Variants in WASHC4 observed in about 807,000 individuals in gnomAD.
The protein encoded by WASHC4 is WASH complex subunit 7.
A neutral mutation model predicts 166.6 loss-of-function variants in WASHC4; 86 were observed. That is an observed-to-expected ratio of 0.52 (90% CI 0.43 to 0.62). The LOEUF (loss-of-function observed/expected upper bound fraction) is 0.62. Ranked by LOEUF, WASHC4 falls within the 20% of genes least tolerant of loss-of-function variation. WASHC4 has a pLI of 0.00. For missense variants in WASHC4, 1,262 were observed against 1,382.4 expected (o/e 0.91, Z 1.38); for synonymous variants, 446 against 451.6 (o/e 0.99, Z 0.16).
chr12:105,130,683 G>A (rs1215535623), intron 13 of WASHC4, among the ~76,000 whole-genome samples: 1 of 146,992 alleles, frequency 6.8e-6, no homozygotes, highest in Non-Finnish European at 1.5e-5. Context: ...AGGGAGCAAT[G>A]GAGAGCAATG....
intron 20 of WASHC4, among the ~76,000 whole-genome samples, 173 bp downstream of exon 20, chr12:105,143,416 T>C (rs1592894694): frequency 6.6e-6 from 1 of 152,172 alleles, no homozygotes; most frequent in East Asian, 1.9e-4. Context: ...GGTCTGTAAT[T>C]CATTTATTTA....
chr12:105,146,882 C>T (rs1254435489), intron 23 of WASHC4, among the ~76,000 whole-genome samples, 160 bp from the exon 24 acceptor site: 1 of 152,114 alleles, frequency 6.6e-6, no homozygotes, highest in Non-Finnish European at 1.5e-5. Flanking sequence ...TTTTGGATTT[C>T]AGATTTTCGG....
chr12:105,133,762 T>A lies in WASHC4; in HGVS notation c.1200-8T>A, dbSNP rs544603244. On this transcript the variant is annotated splice_region_variant and splice_polypyrimidine_tract_variant and intron_variant, in intron 13 of 32. Transcript: ENST00000332180. ...TTGCTGAGTAACCCCAATATTTTCC[T>A]TTGTTAGAGATGTACAGTCTTACTA... 1.9e-6 allele frequency: 3 copies of A among 1,611,438 alleles called. No homozygotes were observed. Among genetic ancestry groups the A allele is most frequent in the African/African-American group, 2.7e-5 (2 of 74,968 alleles).
In WASHC4 at chr12:105,168,550, T is replaced by C. The variant is rs1418979681; in HGVS notation, c.*1619T>C. ...CTAACTTCTCTGAAATCATCTCCTA[T>C]TAAGGGATAGAAATTGTTACTAGAA... On this transcript the variant is annotated 3_prime_UTR_variant, in exon 33 of 33. Transcript: ENST00000332180. The C allele has an allele frequency of 6.6e-6, 1 of 152,318 alleles. No individual in the cohort carries two copies. Among genetic ancestry groups the C allele is most frequent in the Non-Finnish European group, 1.5e-5 (1 of 67,940 alleles). 9.4% of individuals were successfully genotyped at this position (152,318 alleles called of 1,614,324 possible).
intron 13 of WASHC4, among the ~76,000 whole-genome samples, chr12:105,130,778 T>G (rs1881728683): frequency 6.6e-6 from 1 of 152,212 alleles, no homozygotes. Flanking sequence ...GGTCCAAGGT[T>G]TGTGGATTTT....
intron 23 of WASHC4, 53 bp from the exon 24 acceptor site, chr12:105,146,989 C>CA: frequency 1.0e-6 from 1 of 952,752 alleles, no homozygotes; most frequent in Non-Finnish European, 1.7e-6. Flanking sequence ...CCTGTTTGAC[C>CA]AGTGTTTGCT....
rs1262626152 is a variant in WASHC4, at chr12:105,115,664, C to T, written c.371C>T (p.Thr124Ile). ...NGLLFYGEGA[T>I]DASMVEGDCQ... Reference sequence around the variant, plus strand: ...TTATTCATGTTGCCTTTTACAGCTACAGATGCCAGCATGGTGGAAGGTGAT... The same window carrying T: ...TTATTCATGTTGCCTTTTACAGCTATAGATGCCAGCATGGTGGAAGGTGAT... The change falls in exon 6 of 33, where the codon ACA (threonine) becomes ATA (isoleucine). Residue 124 changes from threonine (T) to isoleucine (I), a missense_variant. By Grantham distance (89) the Thr-to-Ile change is moderately conservative. Transcript: ENST00000332180. The T allele has an allele frequency of 1.2e-6, 2 of 1,605,708 alleles. No homozygotes were observed. Among genetic ancestry groups the T allele is most frequent in the East Asian group, 2.2e-5 (1 of 44,736 alleles).
intron 29 of WASHC4, 61 bp downstream of exon 29, chr12:105,160,209 C>A: frequency 1.4e-6 from 2 of 1,422,180 alleles, no homozygotes; most frequent in Non-Finnish European, 9.9e-7. Context: ...ACAAATAGAT[C>A]TGGTTTCTTT....
At chr12:105,110,298 CT>C (rs1162670580) in intron 1 of WASHC4, among the ~76,000 whole-genome samples, 2 of 151,994 alleles carry the variant, frequency 1.3e-5, no homozygotes, top group African/African-American at 2.4e-5. Flanking sequence ...AAATTTTTAC[CT>C]TTTTTAGAAG....
chr12:105,133,869 C>A lies in WASHC4; in HGVS notation c.1299C>A (p.Leu433=). ...EQRMDKFAED[L]TNRCNVFIQG... is the part of the protein sequence containing the mutation. ...GAATGGATAAATTTGCTGAAGATCT[C>A]ACCAATAGATGTAATGTTTTTATAC... The change falls in exon 14 of 33, where the codon CTC becomes CTA. Residue 433 remains leucine, a synonymous_variant. Coordinates refer to ENST00000332180, the MANE Select transcript of WASHC4 (RefSeq NM_015275.3). 6.2e-7 allele frequency: 1 copy of A among 1,612,156 alleles called. No homozygotes were observed. Among genetic ancestry groups the A allele is most frequent in the South Asian group, 1.1e-5 (1 of 90,992 alleles).
At chr12:105,135,730 T>C (rs1289898175) in intron 14 of WASHC4, among the ~76,000 whole-genome samples, 1 of 152,120 alleles carries the variant, frequency 6.6e-6, no homozygotes, top group Non-Finnish European at 1.5e-5. Context: ...TTAATAATTT[T>C]ACTTTTTAGC....
intron 19 of WASHC4, 96 bp from the exon 20 acceptor site, chr12:105,143,031 G>T: frequency 1.3e-6 from 1 of 761,720 alleles, no homozygotes; most frequent in Non-Finnish European, 2.3e-6. Context: ...CCTTCAGATC[G>T]AGGTTTTGTC....
chr12:105,160,265 A>G (rs1566030433), intron 29 of WASHC4, 117 bp downstream of exon 29: 1 of 850,344 alleles, frequency 1.2e-6, no homozygotes, highest in East Asian at 2.5e-5. Context: ...TCCTGGTTGC[A>G]TATAAAACTA....
At position 105,140,889 on chromosome 12, in the gene WASHC4, TATTTTTAAG is replaced by T; in HGVS notation, c.1561-8_1561del. On this transcript the variant is annotated splice_acceptor_variant and splice_polypyrimidine_tract_variant and intron_variant, in intron 16 of 32. Transcript: ENST00000332180. LOFTEE classifies it high-confidence loss of function. Reference sequence around the variant, plus strand: ...TCAGAAACAAATAGTTTTCCTGTTTTATTTTTAAGAAAAGAGTGATTTCTGACAAAAAAT... The same window carrying T: ...TCAGAAACAAATAGTTTTCCTGTTTTAAAAGAGTGATTTCTGACAAAAAAT... 1 of 1,613,010 alleles carries T rather than the reference TATTTTTAAG, an allele frequency of 6.2e-7. No individual in the cohort carries two copies. The highest frequency in any genetic ancestry group is 8.5e-7 in the Non-Finnish European group (1 of 1,179,650).
chr12:105,156,865 A>G (rs1315666272), intron 27 of WASHC4, 73 bp downstream of exon 27: 1 of 1,053,028 alleles, frequency 9.5e-7, no homozygotes, highest in Non-Finnish European at 1.5e-6. Flanking sequence ...ATATGTTACA[A>G]GTGATATTGT....
chr12:105,157,230 AT>A lies in WASHC4; in HGVS notation c.2826-5del. ...CTAATAAATGCCTTCCCAAATTCTT[AT>A]GTAGATTTGTTCCTGATCTTGAAGA... On this transcript the variant is annotated splice_region_variant and splice_polypyrimidine_tract_variant and intron_variant, in intron 27 of 32. Transcript: ENST00000332180. 1 of 1,412,348 alleles carries A rather than the reference AT, an allele frequency of 7.1e-7. No homozygotes were observed. Among genetic ancestry groups the A allele is most frequent in the Non-Finnish European group, 1.0e-6 (1 of 999,512 alleles). 87.5% of individuals were successfully genotyped at this position (1,412,348 alleles called of 1,614,324 possible).
intron 15 of WASHC4, among the ~76,000 whole-genome samples, chr12:105,139,425 G>GTA (rs71069791): frequency 0.037 from 3,830 of 103,064 alleles, 150 homozygotes; most frequent in Non-Finnish European, 0.056. Flanking sequence ...ATGTGTGTGT[G>GTA]TATATATATA....
intron 18 of WASHC4, among the ~76,000 whole-genome samples, chr12:105,142,234 G>T (rs1882928567): frequency 6.6e-6 from 1 of 152,118 alleles, no homozygotes; most frequent in South Asian, 2.1e-4. Context: ...AAGCATATGT[G>T]CAGAATTCTG....
At chr12:105,107,957 C>G (rs1320791348) in intron 1 of WASHC4, 96 bp downstream of exon 1, 8 of 914,338 alleles carry the variant, frequency 8.7e-6, no homozygotes, top group Non-Finnish European at 8.7e-6. Context: ...GACGGCTGCG[C>G]AGCCGTCTGG....
Sources: allele counts gnomAD v4.1 joint callset (sites outside exome capture counted in the v4.1 genomes callset), GRCh38; gene constraint gnomAD v4.1.1; transcripts MANE v1.5; gene names NCBI Gene and HGNC (gene_info 2026-07-23, HGNC 2026-07-21).